Variants in GALNT14 observed in about 807,000 individuals in gnomAD.
The protein encoded by GALNT14 is polypeptide N-acetylgalactosaminyltransferase 14.
A neutral mutation model predicts 77.5 loss-of-function variants in GALNT14; 60 were observed. The observed-to-expected ratio is 0.77, with a 90% CI of 0.63 to 0.96. GALNT14 has a LOEUF of 0.96. Ranked by LOEUF, GALNT14 falls within the 40% of genes least tolerant of loss-of-function variation. GALNT14 has a pLI of 0.00. For synonymous variants in GALNT14, 280 were observed against 281.7 expected, an observed-to-expected ratio of 0.99 and a Z score of 0.06; for missense variants, 710 against 731.0, an observed-to-expected ratio of 0.97 and a Z score of 0.33.
chr2:31,055,862 T>C (rs1240370981), intron 1 of GALNT14, among the ~76,000 whole-genome samples: 1 of 152,198 alleles, frequency 6.6e-6, no homozygotes, highest in East Asian at 1.9e-4. Context: ...CAATAGGACC[T>C]CTAGTTATGC....
At chr2:31,033,368 G>A (rs1672528269) in intron 1 of GALNT14, among the ~76,000 whole-genome samples, 1 of 152,048 alleles carries the variant, frequency 6.6e-6, no homozygotes, top group Non-Finnish European at 1.5e-5. Context: ...CAAATAAAGA[G>A]CTCTGAAATC....
chr2:31,021,824 G>A (rs912322131), intron 1 of GALNT14, among the ~76,000 whole-genome samples: 4 of 152,192 alleles, frequency 2.6e-5, no homozygotes, highest in African/African-American at 7.2e-5. Flanking sequence ...ATGGAAGGCC[G>A]GAAGTCAGAG....
At chr2:31,094,382 C>G (rs1197861123) in intron 1 of GALNT14, among the ~76,000 whole-genome samples, 1 of 152,224 alleles carries the variant, frequency 6.6e-6, no homozygotes, top group Non-Finnish European at 1.5e-5. Context: ...TCCACCAGCA[C>G]CCAGGTGATT....
chr2:30,904,713 C>T, the GALNT14 span, among the ~76,000 whole-genome samples: 2 of 152,278 alleles, frequency 1.3e-5, no homozygotes, highest in Non-Finnish European at 1.5e-5. Flanking sequence ...CCCACCACAG[C>T]TCAAGGAGGC....
At chr2:30,989,583 A>ATATATATATATATATATAAATATAT (rs56703340) in intron 2 of GALNT14, among the ~76,000 whole-genome samples, 2 of 91,846 alleles carry the variant, frequency 2.2e-5, no homozygotes, top group African/African-American at 8.5e-5. Context: ...TATATATATA[A>ATATATATATATATATATAAATATAT]AAATATATAT....
intron 1 of GALNT14, among the ~76,000 whole-genome samples, chr2:31,059,469 C>T (rs1250230976): frequency 1.3e-5 from 2 of 152,146 alleles, no homozygotes; most frequent in African/African-American, 2.4e-5. Context: ...TCCTAACCCC[C>T]AAAGAGATGG....
chr2:31,088,083 T>C (rs1676543319), intron 1 of GALNT14, among the ~76,000 whole-genome samples: 1 of 152,200 alleles, frequency 6.6e-6, no homozygotes, highest in South Asian at 2.1e-4. Context: ...TTTCTGTTGT[T>C]GATAATCCAC....
intron 1 of GALNT14, among the ~76,000 whole-genome samples, chr2:31,065,965 G>A (rs1336412432): frequency 6.6e-6 from 1 of 152,178 alleles, no homozygotes; most frequent in Non-Finnish European, 1.5e-5. Context: ...AGGCCTTCGA[G>A]TCAGGATTCC....
rs1678142710 is a variant in GALNT14 at position 31,117,077 on chromosome 2, CTT to C, written c.129+20879_129+20880del. Reference sequence around the variant, plus strand: ...AAAAAAAAGAATATTCAGGGGCTTTCTTTCATATGTCCAAAAGACACTTTAAA... The same window carrying C: ...AAAAAAAAGAATATTCAGGGGCTTTCTCATATGTCCAAAAGACACTTTAAA... On this transcript the variant is annotated intron_variant, in intron 1 of 14. Transcript: ENST00000349752. 2.6e-5 allele frequency among the ~76,000 whole-genome samples: 4 copies of C among 152,144 alleles called. No homozygotes were observed. In the South Asian group the frequency reaches 8.3e-4, roughly 32 times the overall value.
At chr2:30,971,322 G>C (rs764548627) in intron 2 of GALNT14, among the ~76,000 whole-genome samples, 8 of 152,126 alleles carry the variant, frequency 5.3e-5, no homozygotes, top group African/African-American at 9.7e-5. Context: ...TAAAGATGCA[G>C]TGTTTTACTG....
intron 1 of GALNT14, among the ~76,000 whole-genome samples, chr2:31,105,641 G>A (rs2194465): frequency 0.48 from 73,550 of 151,752 alleles, 18,350 homozygotes; most frequent in African/African-American, 0.57. Flanking sequence ...CAAAAGAATC[G>A]CTTGAACCTG....
the GALNT14 span, among the ~76,000 whole-genome samples, chr2:30,904,579 G>C: frequency 6.6e-6 from 1 of 152,238 alleles, no homozygotes; most frequent in African/African-American, 2.4e-5. Flanking sequence ...GAGTCTCGCT[G>C]ACTGCTAGCA....
chr2:30,918,492 A>AG (rs2148214354), intron 13 of GALNT14, among the ~76,000 whole-genome samples: 1 of 152,208 alleles, frequency 6.6e-6, no homozygotes, highest in East Asian at 1.9e-4. Context: ...GATGGTGACC[A>AG]GGGGGAGCCA....
In GALNT14 at chr2:31,084,087, A is replaced by G. The variant is rs935276967; in HGVS notation, c.129+53871T>C. Among the ~76,000 whole-genome samples, 3 of 152,128 alleles carry G rather than the reference A, an allele frequency of 2.0e-5. No homozygotes were observed. In the East Asian group the frequency reaches 5.8e-4, roughly 29 times the overall value. On this transcript the variant is annotated intron_variant, in intron 1 of 14. Coordinates refer to ENST00000349752, the MANE Select transcript of GALNT14 (RefSeq NM_024572.4). ...CCTGGATGTTTATCTCAGCTCAGCC[A>G]CTCCACAAATGCAGCTCAGCTAACA...
At chr2:31,061,849 AC>A (rs1674611332) in intron 1 of GALNT14, among the ~76,000 whole-genome samples, 1 of 152,046 alleles carries the variant, frequency 6.6e-6, no homozygotes, top group African/African-American at 2.4e-5. Context: ...TCTATCCTCC[AC>A]CTGCTGAGAA....
intron 1 of GALNT14, among the ~76,000 whole-genome samples, chr2:31,099,143 C>T (rs1056132519): frequency 1.3e-5 from 2 of 152,028 alleles, no homozygotes; most frequent in Non-Finnish European, 1.5e-5. Context: ...CTTTTTTCTT[C>T]ATTTTGCAAT....
At chr2:30,891,655 A>AGAATAGCAGTG in the GALNT14 span, among the ~76,000 whole-genome samples, 1 of 152,140 alleles carries the variant, frequency 6.6e-6, no homozygotes, top group African/African-American at 2.4e-5. Context: ...AGACCCTCAA[A>AGAATAGCAGTG]GAATAGCAGT....
chr2:31,026,217 C>A (rs1672043843), intron 1 of GALNT14, among the ~76,000 whole-genome samples: 1 of 152,170 alleles, frequency 6.6e-6, no homozygotes, highest in African/African-American at 2.4e-5. Context: ...AGGAGATCTG[C>A]AAAGGTCAGA....
In GALNT14 at chr2:30,924,829, G is replaced by A. The variant is rs1665267584; in HGVS notation, c.1152-6C>T. The A allele has an allele frequency of 6.2e-7, 1 of 1,612,718 alleles. No homozygotes were observed. Among genetic ancestry groups the A allele is most frequent in the African/African-American group, 1.3e-5 (1 of 74,884 alleles). On this transcript the variant is annotated splice_polypyrimidine_tract_variant and splice_region_variant and intron_variant, in intron 11 of 14. Coordinates refer to ENST00000349752, the MANE Select transcript of GALNT14 (RefSeq NM_024572.4). ...GGTCCAATCTGCTCTCAACACTGGG[G>A]GCAACGGGGTTGTGGACAGACACAA...
Sources: allele counts gnomAD v4.1 joint callset (sites outside exome capture counted in the v4.1 genomes callset), GRCh38; gene constraint gnomAD v4.1.1; transcripts MANE v1.5; gene names NCBI Gene and HGNC (gene_info 2026-07-23, HGNC 2026-07-21).